CTNNA2: variants seen among roughly 807,000 people sequenced by gnomAD.
CTNNA2 encodes catenin alpha-2.
CTNNA2 carries 42 observed loss-of-function variants against 101.0 expected under a neutral mutation model. That is an observed-to-expected ratio of 0.42 (90% CI 0.32 to 0.54). The LOEUF is 0.54. Among genes scored for constraint, CTNNA2 ranks in the 20% least tolerant of loss-of-function variants. The pLI is 0.14. For synonymous variants in CTNNA2, 450 were observed against 456.4 expected, an observed-to-expected ratio of 0.99 and a Z score of 0.18; for missense variants, 871 against 1,223.1, an observed-to-expected ratio of 0.71 and a Z score of 4.29.
At chr2:80,328,114 C>T (rs1019679755) in intron 7 of CTNNA2, among the ~76,000 whole-genome samples, 1 of 152,162 alleles carries the variant, frequency 6.6e-6, no homozygotes, top group Admixed American at 6.5e-5. Flanking sequence ...CTGGATTCTC[C>T]ATTCTGTTCT....
At chr2:79,238,908 G>C (rs1463697786) in intron 2 of CTNNA2, among the ~76,000 whole-genome samples, 2 of 152,178 alleles carry the variant, frequency 1.3e-5, no homozygotes, top group Non-Finnish European at 2.9e-5. Context: ...GTAGAATTAA[G>C]ATAAGGCCTA....
At chr2:79,829,799 A>G (rs1259098486) in intron 3 of CTNNA2, among the ~76,000 whole-genome samples, 1 of 151,248 alleles carries the variant, frequency 6.6e-6, no homozygotes, top group Non-Finnish European at 1.5e-5. Context: ...GGCTCACTGC[A>G]AGCTCCGCCT....
At chr2:79,274,838 T>C (rs966329973) in intron 2 of CTNNA2, among the ~76,000 whole-genome samples, 2 of 152,052 alleles carry the variant, frequency 1.3e-5, no homozygotes, top group African/African-American at 4.8e-5. Flanking sequence ...ACATGAAAGA[T>C]ATCAGGTACC....
intron 7 of CTNNA2, among the ~76,000 whole-genome samples, chr2:79,943,240 A>T (rs1304074857): frequency 6.6e-6 from 1 of 151,976 alleles, no homozygotes; most frequent in African/African-American, 2.4e-5. Context: ...CATTCAGAAC[A>T]CTTAGTTCAT....
At chr2:80,426,076 G>C (rs2149417458) in intron 9 of CTNNA2, among the ~76,000 whole-genome samples, 1 of 152,236 alleles carries the variant, frequency 6.6e-6, no homozygotes, top group East Asian at 1.9e-4. Context: ...TGTAGAACTA[G>C]ATAAAATAAT....
intron 9 of CTNNA2, among the ~76,000 whole-genome samples, chr2:80,540,349 C>G (rs1691445090): frequency 6.6e-6 from 1 of 152,106 alleles, no homozygotes; most frequent in Non-Finnish European, 1.5e-5. Context: ...GTAATCCTAG[C>G]ACTTTGGGAG....
Position 79,610,318 on chromosome 2 carries a change from T to C in CTNNA2, c.-5-41234T>C, listed in dbSNP as rs554542616. On this transcript the variant is annotated intron_variant, in intron 1 of 18. Transcript: ENST00000402739. The stretch of plus-strand genomic sequence containing the variant: ...CTTCTACTCCCCTTTCCCACAGTGG[T>C]GGGAAAATATAGTGGTAAAAATACT... Among the ~76,000 whole-genome samples, 8 of 152,166 alleles carry C rather than the reference T, an allele frequency of 5.3e-5. No individual in the cohort carries two copies. The East Asian group carries it at 1.5e-3, about 29-fold the overall frequency.
At chr2:80,082,284 A>G (rs781000447) in intron 7 of CTNNA2, among the ~76,000 whole-genome samples, 5 of 152,134 alleles carry the variant, frequency 3.3e-5, no homozygotes, top group Non-Finnish European at 7.4e-5. Context: ...TCTTTTAAAA[A>G]GTATTCTAAA....
intron 3 of CTNNA2, among the ~76,000 whole-genome samples, chr2:79,793,542 T>C (rs146603388): frequency 1.6e-3 from 249 of 152,312 alleles, no homozygotes; most frequent in East Asian, 1.5e-3. Flanking sequence ...TAGGAAGTAA[T>C]AAGTAAAGCT....
intron 2 of CTNNA2, among the ~76,000 whole-genome samples, chr2:79,264,270 T>C (rs1181697484): frequency 6.6e-6 from 1 of 152,152 alleles, no homozygotes; most frequent in Non-Finnish European, 1.5e-5. Flanking sequence ...CACAACTAAA[T>C]TCTCTTTCTT....
chr2:79,773,614 G>GT (rs1254586354), intron 3 of CTNNA2, among the ~76,000 whole-genome samples: 4 of 152,164 alleles, frequency 2.6e-5, no homozygotes, highest in Admixed American at 2.0e-4. Context: ...GCCCTGAGCA[G>GT]TTTCCAGCAT....
At chr2:80,185,731 TG>T (rs973186149) in intron 7 of CTNNA2, among the ~76,000 whole-genome samples, 28 of 152,202 alleles carry the variant, frequency 1.8e-4, no homozygotes, top group African/African-American at 5.5e-4. Flanking sequence ...CTTTGGTGAA[TG>T]GCTGCCTACC....
At position 80,458,912 on chromosome 2, in the gene CTNNA2, G is replaced by A. The variant is rs956255205; in HGVS notation, c.1290+39311G>A. ...TCTAGAATAGATGTACACAATTGTG[G>A]TCCCATAAAATTATAATGAAGCTGC... is the stretch of plus-strand genomic sequence containing the variant. On this transcript the variant is annotated intron_variant, in intron 9 of 18. Coordinates refer to ENST00000402739, the MANE Select transcript of CTNNA2 (RefSeq NM_001282597.3). 7.9e-5 allele frequency among the ~76,000 whole-genome samples: 12 copies of A among 152,176 alleles called. No homozygotes were observed. In the South Asian group the frequency reaches 1.0e-3, roughly 13 times the overall value.
intron 3 of CTNNA2, among the ~76,000 whole-genome samples, chr2:79,330,968 T>G (rs1330624878): frequency 6.6e-6 from 1 of 152,222 alleles, no homozygotes; most frequent in Non-Finnish European, 1.5e-5. Flanking sequence ...GGAATTAGTG[T>G]TCCTCATAAA....
At chr2:79,644,644 C>T (rs997208745) in intron 1 of CTNNA2, among the ~76,000 whole-genome samples, 2 of 152,182 alleles carry the variant, frequency 1.3e-5, no homozygotes, top group Non-Finnish European at 2.9e-5. Flanking sequence ...AGACCAATGG[C>T]AACTTGGGGA....
intron 7 of CTNNA2, among the ~76,000 whole-genome samples, chr2:79,958,412 C>A (rs1350363763): frequency 1.3e-5 from 2 of 151,970 alleles, no homozygotes; most frequent in Non-Finnish European, 1.5e-5. Context: ...TCGAGTGGCC[C>A]CTAGGTAATC....
intron 7 of CTNNA2, among the ~76,000 whole-genome samples, chr2:80,351,751 G>GTT (rs1673316955): frequency 6.6e-6 from 1 of 152,086 alleles, no homozygotes; most frequent in South Asian, 2.1e-4. Flanking sequence ...CAAAACAGGC[G>GTT]TGATGCTCTG....
intron 3 of CTNNA2, among the ~76,000 whole-genome samples, chr2:79,354,246 A>G (rs963488627): frequency 3.9e-5 from 6 of 152,188 alleles, no homozygotes; most frequent in Admixed American, 1.3e-4. Context: ...GAAACATTTC[A>G]TAAACTATGT....
chr2:80,377,400 T>C (rs1263859999), intron 7 of CTNNA2, among the ~76,000 whole-genome samples: 1 of 152,230 alleles, frequency 6.6e-6, no homozygotes. Context: ...GTTGTATGCA[T>C]TTTCTTATTT....
Sources: gnomAD v4.1 joint callset for allele counts (sites outside exome capture counted in the v4.1 genomes callset) on GRCh38, gnomAD v4.1.1 for gene constraint, MANE v1.5 for transcripts, NCBI Gene and HGNC (gene_info 2026-07-23, HGNC 2026-07-21) for gene names.